OSBP2: variants seen among roughly 807,000 people sequenced by gnomAD.
OSBP2 encodes oxysterol-binding protein 2.
A neutral mutation model predicts 96.0 loss-of-function variants in OSBP2; 66 were observed. The observed-to-expected ratio is 0.69, with a 90% CI of 0.56 to 0.84. The LOEUF (loss-of-function observed/expected upper bound fraction) is 0.84. OSBP2 is among the 40% of genes least tolerant of loss of function. The pLI is 0.00. For synonymous variants in OSBP2, 525 were observed against 520.9 expected (o/e 1.01, Z -0.11); for missense variants, 1,038 against 1,222.7 (o/e 0.85, Z 2.25).
chr22:30,725,699 T>C (rs1449791412), intron 1 of OSBP2, among the ~76,000 whole-genome samples: 1 of 152,088 alleles, frequency 6.6e-6, no homozygotes, highest in Non-Finnish European at 1.5e-5. Context: ...ACCTGACATA[T>C]GGAATATACT....
intron 2 of OSBP2, among the ~76,000 whole-genome samples, chr22:30,800,067 G>A (rs987884148): frequency 1.3e-5 from 2 of 152,076 alleles, no homozygotes; most frequent in African/African-American, 4.8e-5. Context: ...TGAGAATAGG[G>A]GCAACGGGGA....
intron 2 of OSBP2, among the ~76,000 whole-genome samples, chr22:30,843,443 T>TCCCCCCCC (rs1569146745): frequency 1.0e-5 from 1 of 99,614 alleles, no homozygotes; most frequent in Non-Finnish European, 1.9e-5. Flanking sequence ...TCAGGAATCT[T>TCCCCCCCC]TCCCCCCTCC....
chr22:30,735,164 C>T, intron 1 of OSBP2, among the ~76,000 whole-genome samples: 1 of 152,108 alleles, frequency 6.6e-6, no homozygotes, highest in East Asian at 1.9e-4. Context: ...TGCACTCCAG[C>T]CTGGGCAACA....
At position 30,890,885 on chromosome 22, in the gene OSBP2, G is replaced by A. The variant is rs2039933110; in HGVS notation, c.1781G>A (p.Arg594His). Residue 594 changes from arginine to histidine, a missense_variant, in exon 8 of 14, where the codon CGC becomes CAC. Around this residue, in one of 3 missense-constraint regions of OSBP2, gnomAD observed 737 missense variants for 913.3 expected, o/e 0.81. Transcript: ENST00000332585. This position sits in a 1 kb window ranked among gnomAD's most constrained non-coding sequence, Gnocchi z 4.4. Reference sequence around the variant, plus strand: ...TCCTCCTACTCCACCACAGTGCACCGCATCGCCAAGCCCTTCAACCCCATG... The same window carrying A: ...TCCTCCTACTCCACCACAGTGCACCACATCGCCAAGCCCTTCAACCCCATG... The part of the protein sequence containing the change: ...SVSSYSTTVH[R>H]IAKPFNPMLG... 2.5e-6 allele frequency: 4 copies of A among 1,613,498 alleles called. No homozygotes were observed. The highest frequency in any genetic ancestry group is 1.7e-6 in the Non-Finnish European group (2 of 1,180,004).
chr22:30,852,376 T>C (rs1185300811), intron 2 of OSBP2, among the ~76,000 whole-genome samples: 5 of 152,164 alleles, frequency 3.3e-5, no homozygotes, highest in African/African-American at 1.2e-4. Context: ...TTTTGGTAAT[T>C]GGTTCTTTCA....
chr22:30,837,464 G>A (rs1388363790), intron 2 of OSBP2, among the ~76,000 whole-genome samples: 1 of 152,172 alleles, frequency 6.6e-6, no homozygotes, highest in Non-Finnish European at 1.5e-5. Flanking sequence ...GCAGTGCTGT[G>A]CACTGGTTTA....
At chr22:30,738,422 GTGAC>G (rs1253107092) in intron 1 of OSBP2, among the ~76,000 whole-genome samples, 1 of 152,144 alleles carries the variant, frequency 6.6e-6, no homozygotes, top group African/African-American at 2.4e-5. Context: ...CTAAATTAGA[GTGAC>G]TGTCCTTCGA....
intron 2 of OSBP2, among the ~76,000 whole-genome samples, chr22:30,811,520 A>T (rs1044030117): frequency 6.7e-6 from 1 of 149,634 alleles, no homozygotes; most frequent in Non-Finnish European, 1.5e-5. Context: ...TATATTTTTT[A>T]AATTTATTTT....
intron 2 of OSBP2, among the ~76,000 whole-genome samples, chr22:30,741,907 C>T (rs1171180855): frequency 1.3e-5 from 2 of 151,920 alleles, no homozygotes; most frequent in Non-Finnish European, 2.9e-5. Flanking sequence ...GCAACCTCTG[C>T]CTTCCGTGTT....
chr22:30,864,620 G>A (rs1043895495), intron 2 of OSBP2, among the ~76,000 whole-genome samples: 1 of 152,074 alleles, frequency 6.6e-6, no homozygotes, highest in Non-Finnish European at 1.5e-5. Context: ...CCGTGAGTGC[G>A]CAGCTCCCAG....
intron 2 of OSBP2, among the ~76,000 whole-genome samples, chr22:30,815,027 AT>A (rs2091065051): frequency 6.6e-6 from 1 of 152,072 alleles, no homozygotes; most frequent in Admixed American, 6.6e-5. Context: ...CACACCTGTA[AT>A]CCCAGCACTT....
chr22:30,850,624 C>T (rs1166979909), intron 2 of OSBP2, among the ~76,000 whole-genome samples: 1 of 151,950 alleles, frequency 6.6e-6, no homozygotes, highest in Admixed American at 6.6e-5. Context: ...CTTAGCCTCC[C>T]AAGTAACTGG....
Position 30,773,828 on chromosome 22 carries a change from G to A in OSBP2, c.853+32459G>A, listed in dbSNP as rs2090389906. 3.3e-5 allele frequency among the ~76,000 whole-genome samples: 5 copies of A among 152,218 alleles called. No individual in the cohort carries two copies. In the South Asian group the frequency reaches 1.0e-3, roughly 32 times the overall value. On this transcript the variant is annotated intron_variant, in intron 2 of 13. Coordinates refer to ENST00000332585, the MANE Select transcript of OSBP2 (RefSeq NM_030758.4). Reference sequence around the variant, plus strand: ...ATCACCGAGTGTGGGAGGCCATGAGGGACTTCAAGGTGACTCCAGAGAGCT... The same window carrying A: ...ATCACCGAGTGTGGGAGGCCATGAGAGACTTCAAGGTGACTCCAGAGAGCT...
intron 12 of OSBP2, among the ~76,000 whole-genome samples, chr22:30,902,973 T>C (rs1334248327): frequency 1.3e-5 from 2 of 152,096 alleles, no homozygotes; most frequent in Non-Finnish European, 2.9e-5. Context: ...CTTTGCTGTA[T>C]CTATCTAGTG....
intron 2 of OSBP2, among the ~76,000 whole-genome samples, chr22:30,820,454 G>A (rs1161648844): frequency 6.6e-6 from 1 of 151,352 alleles, no homozygotes; most frequent in Non-Finnish European, 1.5e-5. Flanking sequence ...CAGACCCCCC[G>A]CCACCTCATT....
intron 12 of OSBP2, among the ~76,000 whole-genome samples, chr22:30,904,225 C>T (rs2040279820): frequency 6.6e-6 from 1 of 152,244 alleles, no homozygotes; most frequent in Non-Finnish European, 1.5e-5. Context: ...CACCAGCTGT[C>T]ATCCTTGGCT....
intron 2 of OSBP2, among the ~76,000 whole-genome samples, chr22:30,846,551 T>C (rs1329947587): frequency 6.6e-6 from 1 of 152,136 alleles, no homozygotes; most frequent in East Asian, 1.9e-4. Context: ...GCCATCCTAG[T>C]AGGTGGGAAA....
chr22:30,890,686 G>T lies in OSBP2; in HGVS notation c.1624-42G>T. The T allele has an allele frequency of 6.2e-7, 1 of 1,601,014 alleles. No individual in the cohort carries two copies. On this transcript the variant is annotated intron_variant, in intron 7 of 13. Transcript: ENST00000332585. The surrounding 1 kb of genome is among the most constrained non-coding windows in gnomAD (Gnocchi z 4.4). ...AAAAGCAAGGGCACCATGCCAAGCC[G>T]GGGCTGGTGCCCAGCCTGACCACCC...
At chr22:30,902,397 A>G in intron 12 of OSBP2, 1 of 1,569,886 alleles carries the variant, frequency 6.4e-7, no homozygotes, top group Non-Finnish European at 8.8e-7. Context: ...GAAGCTTGAC[A>G]TACGATGGTG....
Sources: gnomAD v4.1 joint callset for allele counts (sites outside exome capture counted in the v4.1 genomes callset) on GRCh38, gnomAD v4.1.1 for gene constraint, gnomAD v4.1.1 regional missense constraint, Gnocchi (gnomAD v3.1) non-coding constraint, MANE v1.5 for transcripts, NCBI Gene and HGNC (gene_info 2026-07-23, HGNC 2026-07-21) for gene names.